SAP30BP: variants seen among roughly 807,000 people sequenced by gnomAD.
SAP30BP encodes SAP30 binding protein, also known as SAP30-binding protein.
SAP30BP carries 31 observed loss-of-function variants against 46.3 expected under a neutral mutation model. The observed-to-expected ratio is 0.67, with a 90% CI of 0.50 to 0.90. The LOEUF is 0.90. Ranked by LOEUF, SAP30BP falls within the 40% of genes least tolerant of loss-of-function variation. SAP30BP has a pLI of 0.00. For synonymous variants in SAP30BP, 169 were observed against 144.2 expected, an observed-to-expected ratio of 1.17 and a Z score of -1.23; for missense variants, 312 against 391.0, an observed-to-expected ratio of 0.80 and a Z score of 1.70.
At chr17:75,703,085 A>C in intron 6 of SAP30BP, 1 of 571,020 alleles carries the variant, frequency 1.8e-6, no homozygotes, top group South Asian at 2.1e-5. Context: ...ACTGAAGGTC[A>C]GTGAGACAAA....
chr17:75,699,380 C>T (rs748800746), intron 4 of SAP30BP, among the ~76,000 whole-genome samples: 6 of 151,926 alleles, frequency 3.9e-5, no homozygotes, highest in South Asian at 2.1e-4. Flanking sequence ...TTAGTAGAGA[C>T]GGGGTTTCGC....
At chr17:75,696,652 A>G (rs1430879288) in intron 4 of SAP30BP, among the ~76,000 whole-genome samples, 14 of 152,018 alleles carry the variant, frequency 9.2e-5, no homozygotes, top group South Asian at 6.2e-4. Context: ...ATTGCTTCCA[A>G]ACTCTGTGTT....
At chr17:75,702,724 G>C in intron 6 of SAP30BP, 153 bp downstream of exon 6, 1 of 478,450 alleles carries the variant, frequency 2.1e-6, no homozygotes, top group Non-Finnish European at 3.8e-6. Context: ...ATGGCGGACT[G>C]TGCTAACCCA....
At chr17:75,703,699 GC>G (rs2148421645) in intron 7 of SAP30BP, 108 bp from the exon 8 acceptor site, 2 of 971,178 alleles carry the variant, frequency 2.1e-6, no homozygotes, top group South Asian at 2.6e-5. Flanking sequence ...TGACAGCCGA[GC>G]CCCGGGTAAG....
intron 4 of SAP30BP, among the ~76,000 whole-genome samples, chr17:75,697,217 G>A (rs1046402579): frequency 2.6e-5 from 4 of 152,254 alleles, no homozygotes; most frequent in African/African-American, 9.6e-5. Context: ...AGCACAGATA[G>A]GTTCTCTCCA....
intron 3 of SAP30BP, among the ~76,000 whole-genome samples, chr17:75,678,671 G>A (rs1248572936): frequency 1.3e-5 from 2 of 152,104 alleles, no homozygotes; most frequent in African/African-American, 4.8e-5. Context: ...GCCGGTTTTG[G>A]AAGAGCAGAT....
chr17:75,703,402 T>C, intron 7 of SAP30BP, 31 bp downstream of exon 7: 1 of 1,597,392 alleles, frequency 6.3e-7, no homozygotes, highest in Non-Finnish European at 8.6e-7. Context: ...TGGAGGGTGA[T>C]GGGGACACCC....
At chr17:75,702,142 C>A (rs540461922) in intron 5 of SAP30BP, among the ~76,000 whole-genome samples, 1 of 152,330 alleles carries the variant, frequency 6.6e-6, no homozygotes, top group East Asian at 1.9e-4. Context: ...TCTGCCTTAG[C>A]TTCCCAAGTA....
At chr17:75,681,427 T>C (rs923236743) in intron 3 of SAP30BP, among the ~76,000 whole-genome samples, 5 of 152,208 alleles carry the variant, frequency 3.3e-5, no homozygotes, top group Admixed American at 6.5e-5. Context: ...AGTTACTGAC[T>C]CACAGTCTAG....
chr17:75,694,238 T>A (rs963225956), intron 4 of SAP30BP, among the ~76,000 whole-genome samples: 1 of 152,194 alleles, frequency 6.6e-6, no homozygotes, highest in Admixed American at 6.5e-5. Context: ...CTGGGGGTTC[T>A]GAGCCCAGGG....
At chr17:75,703,728 A>T in intron 7 of SAP30BP, 80 bp from the exon 8 acceptor site, 2 of 1,284,544 alleles carry the variant, frequency 1.6e-6, no homozygotes, top group African/African-American at 2.9e-5. Flanking sequence ...CAGACCAAGA[A>T]GCTCTATGGG....
chr17:75,686,393 A>G (rs2060156897), intron 3 of SAP30BP, among the ~76,000 whole-genome samples: 1 of 152,070 alleles, frequency 6.6e-6, no homozygotes, highest in African/African-American at 2.4e-5. Context: ...GCGGGCGCCT[A>G]TAGTCCCAGC....
At chr17:75,682,603 C>T (rs2060094326) in intron 3 of SAP30BP, among the ~76,000 whole-genome samples, 1 of 152,132 alleles carries the variant, frequency 6.6e-6, no homozygotes, top group South Asian at 2.1e-4. Flanking sequence ...TTCAATGTTG[C>T]TGTACTGTAT....
intron 3 of SAP30BP, among the ~76,000 whole-genome samples, chr17:75,682,675 C>T (rs2060095436): frequency 6.6e-6 from 1 of 152,010 alleles, no homozygotes; most frequent in South Asian, 2.1e-4. Context: ...AATTGTATGG[C>T]ATATGAGGCT....
At chr17:75,705,683 T>G (rs974450855) in intron 9 of SAP30BP, 26 of 1,137,230 alleles carry the variant, frequency 2.3e-5, no homozygotes, top group African/African-American at 6.4e-5. Context: ...GGGCACCGCC[T>G]CCTCCTGGGT....
chr17:75,694,767 A>T (rs2060291834), intron 4 of SAP30BP, among the ~76,000 whole-genome samples: 1 of 152,206 alleles, frequency 6.6e-6, no homozygotes, highest in Non-Finnish European at 1.5e-5. Context: ...GCCAACGCAG[A>T]GATGCCCTTG....
intron 3 of SAP30BP, chr17:75,672,252 A>G (rs2059918160): frequency 4.6e-6 from 1 of 217,580 alleles, no homozygotes; most frequent in Non-Finnish European, 9.5e-6. Context: ...CTCTTTAGTC[A>G]TCTAGAAGTG....
At position 75,699,801 on chromosome 17, in the gene SAP30BP, T is replaced by C; in HGVS notation, c.326T>C (p.Val109Ala). Reference protein sequence around the residue: ...QELVASFSERVRNMSPDEIKI... With the variant: ...QELVASFSERARNMSPDEIKI... ...TCAACAGCCTCCTTTTCTGAAAGAG[T>C]TCGGAACATGTCGCCTGATGAAATC... The change falls in exon 5 of 11, where the codon GTT becomes GCT. Residue 109 changes from valine (V) to alanine (A), a missense_variant. This residue lies in a region of SAP30BP where 296 missense variants were observed against 346.6 expected (regional missense o/e 0.85). Coordinates refer to ENST00000584667, the MANE Select transcript of SAP30BP (RefSeq NM_013260.8). The C allele has an allele frequency of 6.2e-7, 1 of 1,613,178 alleles. No individual in the cohort carries two copies. Among genetic ancestry groups the C allele is most frequent in the Non-Finnish European group, 8.5e-7 (1 of 1,179,204 alleles).
chr17:75,667,595 A>G (rs534241889), intron 1 of SAP30BP, 117 bp downstream of exon 1: 1 of 877,806 alleles, frequency 1.1e-6, no homozygotes, highest in Non-Finnish European at 1.8e-6. Context: ...GACCCCGAAG[A>G]ATGGTCCAGG....
Sources: allele counts gnomAD v4.1 joint callset (sites outside exome capture counted in the v4.1 genomes callset), GRCh38; gene constraint gnomAD v4.1.1; regional missense constraint gnomAD v4.1.1; transcripts MANE v1.5; gene names NCBI Gene and HGNC (gene_info 2026-07-23, HGNC 2026-07-21).